The following HDAC9 variants were observed in gnomAD, a reference collection of about 807,000 sequenced individuals.
The protein encoded by HDAC9 is MEF-2 interacting transcription repressor (MITR) protein.
In HDAC9, 41 loss-of-function variants were observed where a neutral mutation model predicts 139.4. That is an observed-to-expected ratio of 0.29 (90% CI 0.23 to 0.38). HDAC9 has a LOEUF of 0.38. Among genes scored for constraint, HDAC9 ranks in the 10% least tolerant of loss-of-function variants. The pLI is 1.00. For missense variants in HDAC9, 1,147 were observed against 1,297.0 expected, an observed-to-expected ratio of 0.88 and a Z score of 1.78; for synonymous variants, 517 against 476.2, an observed-to-expected ratio of 1.09 and a Z score of -1.12.
intron 2 of HDAC9, among the ~76,000 whole-genome samples, chr7:18,557,977 CT>C (rs1819395276): frequency 1.3e-5 from 2 of 151,966 alleles, no homozygotes; most frequent in Non-Finnish European, 2.9e-5. Context: ...AGCATAAAGA[CT>C]TTAAACATTT....
At chr7:18,546,507 C>T (rs908406661) in intron 2 of HDAC9, among the ~76,000 whole-genome samples, 4 of 152,148 alleles carry the variant, frequency 2.6e-5, no homozygotes, top group African/African-American at 9.7e-5. Context: ...ATAGCTTCTC[C>T]TTATATTTCA....
chr7:18,249,310 C>T (rs1794762922), intron 2 of HDAC9, among the ~76,000 whole-genome samples: 2 of 151,598 alleles, frequency 1.3e-5, no homozygotes, highest in African/African-American at 4.8e-5. Flanking sequence ...TAAGACCAGC[C>T]TGGCCAACAT....
intron 1 of HDAC9, among the ~76,000 whole-genome samples, chr7:18,467,670 A>G (rs1459285926): frequency 6.6e-6 from 1 of 152,176 alleles, no homozygotes; most frequent in Non-Finnish European, 1.5e-5. Context: ...TATATTACTC[A>G]TTCTTTTTGC....
chr7:18,984,921 A>G (rs183040712), intron 25 of HDAC9, among the ~76,000 whole-genome samples: 51 of 152,172 alleles, frequency 3.4e-4, no homozygotes, highest in African/African-American at 1.2e-3. Flanking sequence ...GTGTGTATAC[A>G]TATGTTTGCT....
At chr7:18,959,718 G>T (rs1433390845) in intron 24 of HDAC9, among the ~76,000 whole-genome samples, 1 of 152,114 alleles carries the variant, frequency 6.6e-6, no homozygotes, top group Admixed American at 6.6e-5. Context: ...ACAACAAAGT[G>T]GCAAATAGGC....
chr7:18,263,955 C>A (rs1342358679), intron 2 of HDAC9, among the ~76,000 whole-genome samples: 3 of 151,970 alleles, frequency 2.0e-5, no homozygotes, highest in African/African-American at 7.3e-5. Flanking sequence ...AATAATTTTA[C>A]TACAGACAAA....
intron 17 of HDAC9, among the ~76,000 whole-genome samples, chr7:18,797,969 G>GATATAT (rs147765289): frequency 6.7e-5 from 10 of 148,354 alleles, no homozygotes; most frequent in African/African-American, 2.5e-4. Context: ...TCCATGTGGA[G>GATATAT]ATATATATAT....
At chr7:18,347,174 C>T (rs1782481836) in intron 1 of HDAC9, among the ~76,000 whole-genome samples, 1 of 152,110 alleles carries the variant, frequency 6.6e-6, no homozygotes, top group Non-Finnish European at 1.5e-5. Flanking sequence ...TAGTTACCAG[C>T]ACTGCAAAGT....
chr7:18,137,976 T>G (rs1449952991), intron 1 of HDAC9, among the ~76,000 whole-genome samples: 1 of 151,890 alleles, frequency 6.6e-6, no homozygotes, highest in Admixed American at 6.6e-5. Flanking sequence ...ATTGCCACAA[T>G]TTCAGATCCT....
intron 24 of HDAC9, among the ~76,000 whole-genome samples, chr7:18,967,628 C>T (rs1446642493): frequency 2.0e-5 from 3 of 151,270 alleles, no homozygotes; most frequent in African/African-American, 7.3e-5. Flanking sequence ...TTCGGTGGAA[C>T]ATCTTATAGA....
intron 11 of HDAC9, among the ~76,000 whole-genome samples, chr7:18,660,430 G>A (rs1386763644): frequency 3.3e-5 from 5 of 152,082 alleles, no homozygotes; most frequent in South Asian, 4.1e-4. Flanking sequence ...GTTTTGTAAC[G>A]TAGGAGAAAA....
chr7:18,382,211 A>C (rs1013391041), intron 1 of HDAC9, among the ~76,000 whole-genome samples: 4 of 152,218 alleles, frequency 2.6e-5, no homozygotes, highest in African/African-American at 9.6e-5. Flanking sequence ...AAGAAACAAA[A>C]ATAGTTATAG....
At chr7:18,871,956 A>G (rs1327526444) in intron 21 of HDAC9, among the ~76,000 whole-genome samples, 1 of 152,196 alleles carries the variant, frequency 6.6e-6, no homozygotes, top group African/African-American at 2.4e-5. Flanking sequence ...TTTGCAACAT[A>G]GTAGACACTG....
intron 14 of HDAC9, among the ~76,000 whole-genome samples, chr7:18,758,366 A>C (rs992633303): frequency 6.6e-6 from 1 of 152,210 alleles, no homozygotes; most frequent in Admixed American, 6.5e-5. Context: ...ATTATCAGAA[A>C]ACTTTAGCCT....
At chr7:18,593,633 C>CA (rs765982518) in intron 5 of HDAC9, among the ~76,000 whole-genome samples, 9 of 152,096 alleles carry the variant, frequency 5.9e-5, no homozygotes, top group Non-Finnish European at 1.3e-4. Flanking sequence ...CTCAAATTGT[C>CA]AAAAGCTCAG....
chr7:18,213,263 G>A (rs1792074900), intron 2 of HDAC9, among the ~76,000 whole-genome samples: 1 of 152,124 alleles, frequency 6.6e-6, no homozygotes, highest in Non-Finnish European at 1.5e-5. Context: ...GGCATTTAGA[G>A]AATGATGAGC....
At chr7:18,656,155 A>G (rs551483260) in intron 11 of HDAC9, among the ~76,000 whole-genome samples, 6 of 151,562 alleles carry the variant, frequency 4.0e-5, no homozygotes, top group African/African-American at 9.7e-5. Flanking sequence ...CTGAGGAACT[A>G]CAGTGACCCT....
intron 1 of HDAC9, among the ~76,000 whole-genome samples, chr7:18,332,308 G>C (rs1800978320): frequency 6.6e-6 from 1 of 151,178 alleles, no homozygotes; most frequent in East Asian, 1.9e-4. Flanking sequence ...CCACCTCAAA[G>C]ACCATTTTTT....
Position 18,590,369 on chromosome 7 carries a change from C to A in HDAC9, c.298C>A (p.Gln100Lys). The A allele has an allele frequency of 1.2e-6, 2 of 1,612,176 alleles. No individual in the cohort carries two copies. Among genetic ancestry groups the A allele is most frequent in the Non-Finnish European group, 1.7e-6 (2 of 1,179,130 alleles). The change falls in exon 4 of 26, where the codon CAA becomes AAA. Residue 100 changes from glutamine (Q) to lysine (K), a missense_variant. Gln to Lys is a moderately conservative substitution (Grantham distance 53). Transcript: ENST00000686413. ...QQELLAIKQQ[Q>K]ELLEKEQKLE... ...GGAACTTCTAGCCATAAAACAGCAA[C>A]AAGAACTCCTAGAAAAGGAGCAGAA...
Sources: gnomAD v4.1 joint callset for allele counts (sites outside exome capture counted in the v4.1 genomes callset) on GRCh38, gnomAD v4.1.1 for gene constraint, MANE v1.5 for transcripts, NCBI Gene and HGNC (gene_info 2026-07-23, HGNC 2026-07-21) for gene names.